PHLDB2: variants seen among roughly 807,000 people sequenced by gnomAD.
PHLDB2 encodes the protein pleckstrin homology-like domain family B member 2.
Under a neutral mutation model 123.6 loss-of-function variants are expected in PHLDB2, and 71 were observed. That is an observed-to-expected ratio of 0.57 (90% CI 0.47 to 0.70). The LOEUF is 0.70. Among genes scored for constraint, PHLDB2 ranks in the 30% least tolerant of loss-of-function variants. The pLI is 0.00. For synonymous variants in PHLDB2, 547 were observed against 541.6 expected (o/e 1.01, Z -0.14); for missense variants, 1,446 against 1,519.5 (o/e 0.95, Z 0.80).
chr3:111,745,780 GAAAGA>G lies in PHLDB2; in HGVS notation c.-49+13093_-49+13097del, dbSNP rs371101134. 3.0e-4 allele frequency among the ~76,000 whole-genome samples: 42 copies of G among 138,586 alleles called. 1 individual carries two copies. The highest frequency in any genetic ancestry group is 2.9e-3 in the East Asian group (14 of 4,782). The allele number at this position is 138,586 out of a possible 152,430, so 90.9% of individuals were successfully genotyped here. ...TTGAAAACAAAAACAAAAAAAGAAA[GAAAGA>G]AAAGAAAAGAAAAGAGAAAGAAAGA... On this transcript the variant is annotated intron_variant, in intron 1 of 17. Transcript: ENST00000393923.
chr3:111,818,464 T>C (rs1434149842), intron 1 of PHLDB2, among the ~76,000 whole-genome samples: 5 of 152,186 alleles, frequency 3.3e-5, no homozygotes, highest in Non-Finnish European at 5.9e-5. Flanking sequence ...AATCTTCTAC[T>C]TAACTGTATT....
At chr3:111,974,386 G>A (rs2072431267) in intron 17 of PHLDB2, 37 bp from the exon 18 acceptor site, 2 of 1,535,710 alleles carry the variant, frequency 1.3e-6, no homozygotes, top group South Asian at 2.4e-5. Context: ...ATTTTAAGAT[G>A]TTTATTTTAC....
chr3:111,921,820 T>C (rs2068522527), intron 5 of PHLDB2, among the ~76,000 whole-genome samples: 1 of 152,198 alleles, frequency 6.6e-6, no homozygotes, highest in African/African-American at 2.4e-5. Flanking sequence ...GCCAGGATGG[T>C]CTCGATCTCC....
At chr3:111,877,964 A>G (rs1454424246) in intron 1 of PHLDB2, among the ~76,000 whole-genome samples, 2 of 152,106 alleles carry the variant, frequency 1.3e-5, no homozygotes, top group African/African-American at 4.8e-5. Context: ...GCCTTGTAGT[A>G]TACATTGAAG....
At chr3:111,971,786 G>A (rs1374941427) in intron 16 of PHLDB2, among the ~76,000 whole-genome samples, 1 of 152,206 alleles carries the variant, frequency 6.6e-6, no homozygotes, top group Non-Finnish European at 1.5e-5. Flanking sequence ...TACTTGTGAA[G>A]GAGCTGCAAA....
At chr3:111,939,787 T>G (rs966336633) in intron 7 of PHLDB2, among the ~76,000 whole-genome samples, 157 bp downstream of exon 7, 1 of 152,252 alleles carries the variant, frequency 6.6e-6, no homozygotes, top group African/African-American at 2.4e-5. Context: ...TTGAGACATA[T>G]TACAGTTGTT....
intron 1 of PHLDB2, among the ~76,000 whole-genome samples, chr3:111,748,558 G>A (rs566688696): frequency 6.6e-6 from 1 of 152,082 alleles, no homozygotes; most frequent in South Asian, 2.1e-4. Flanking sequence ...TGAGACACTT[G>A]TTGCCCAGAC....
intron 1 of PHLDB2, among the ~76,000 whole-genome samples, chr3:111,785,563 G>T (rs2060647703): frequency 6.6e-6 from 1 of 151,874 alleles, no homozygotes; most frequent in Non-Finnish European, 1.5e-5. Flanking sequence ...AATCCATCTA[G>T]AATTTATTTC....
At chr3:111,882,253 A>G (rs987342402) in intron 1 of PHLDB2, among the ~76,000 whole-genome samples, 8 of 152,132 alleles carry the variant, frequency 5.3e-5, no homozygotes, top group Non-Finnish European at 8.8e-5. Context: ...CACTTCCAAA[A>G]TATTTAACTT....
intron 1 of PHLDB2, among the ~76,000 whole-genome samples, chr3:111,793,179 CAGGATCAGGAACTTT>C (rs2061001832): frequency 6.6e-6 from 1 of 152,174 alleles, no homozygotes. Context: ...AGCAAGGGCC[CAGGATCAGGAACTTT>C]AGGAATCTAC....
chr3:111,777,077 C>A (rs1303269703), intron 1 of PHLDB2, among the ~76,000 whole-genome samples: 1 of 151,818 alleles, frequency 6.6e-6, no homozygotes, highest in East Asian at 1.9e-4. Context: ...GACAGAAGGG[C>A]TTTGATGAGG....
chr3:111,815,936 G>A (rs571532063), intron 1 of PHLDB2, among the ~76,000 whole-genome samples: 52 of 152,278 alleles, frequency 3.4e-4, no homozygotes, highest in Admixed American at 3.0e-3. Context: ...GGGACTTGGT[G>A]CCCAGCTGCT....
chr3:111,825,724 C>T (rs765079179), intron 1 of PHLDB2, among the ~76,000 whole-genome samples: 16 of 152,250 alleles, frequency 1.1e-4, no homozygotes, highest in African/African-American at 1.9e-4. Flanking sequence ...CTGGGATTGC[C>T]GGGGTGAGCC....
At chr3:111,812,845 A>G (rs1371312431) in intron 1 of PHLDB2, among the ~76,000 whole-genome samples, 1 of 152,242 alleles carries the variant, frequency 6.6e-6, no homozygotes. Context: ...GAGTGGAGAC[A>G]TAACAATCAA....
chr3:111,962,898 C>A, intron 13 of PHLDB2, among the ~76,000 whole-genome samples: 1 of 142,268 alleles, frequency 7.0e-6, no homozygotes, highest in Non-Finnish European at 1.5e-5. Context: ...CATTGCACTC[C>A]GGCCTGGGCA....
At chr3:111,880,366 G>A (rs893110201) in intron 1 of PHLDB2, among the ~76,000 whole-genome samples, 1 of 152,124 alleles carries the variant, frequency 6.6e-6, no homozygotes, top group African/African-American at 2.4e-5. Flanking sequence ...GGAGTTCTGA[G>A]TGGCCAGAGG....
intron 1 of PHLDB2, among the ~76,000 whole-genome samples, chr3:111,829,725 GT>G (rs1346857710): frequency 6.6e-6 from 1 of 152,028 alleles, no homozygotes; most frequent in African/African-American, 2.4e-5. Flanking sequence ...GCCTCCCAAA[GT>G]GCTGGGATTA....
intron 1 of PHLDB2, among the ~76,000 whole-genome samples, chr3:111,878,352 TTGTC>T (rs1223057520): frequency 6.6e-6 from 1 of 152,204 alleles, no homozygotes; most frequent in African/African-American, 2.4e-5. Flanking sequence ...GGCTCTTTGT[TTGTC>T]TGTTATTGGT....
chr3:111,763,304 C>T (rs1267959292), intron 1 of PHLDB2, among the ~76,000 whole-genome samples: 5 of 152,178 alleles, frequency 3.3e-5, no homozygotes, highest in South Asian at 2.1e-4. Context: ...AACATAATAG[C>T]GAACTGCAAA....
Sources: allele counts gnomAD v4.1 joint callset (sites outside exome capture counted in the v4.1 genomes callset), GRCh38; gene constraint gnomAD v4.1.1; transcripts MANE v1.5; gene names NCBI Gene and HGNC (gene_info 2026-07-23, HGNC 2026-07-21).